The following SLC12A9 variants were observed in gnomAD, a reference collection of about 807,000 sequenced individuals.
The protein encoded by SLC12A9 is solute carrier family 12 member 9.
In SLC12A9, 55 loss-of-function variants were observed where a neutral mutation model predicts 66.0. The observed-to-expected ratio is 0.83, with a 90% CI of 0.67 to 1.04. The LOEUF is 1.04. SLC12A9 is among the 50% of genes least tolerant of loss of function. The probability of loss-of-function intolerance (pLI) is 0.00; values close to 1 mark genes in which losing one functional copy is unlikely to be tolerated. For missense variants in SLC12A9, 1,061 were observed against 1,241.9 expected (o/e 0.85, Z 2.19); for synonymous variants, 577 against 569.0 (o/e 1.01, Z -0.20).
chr7:100,841,886 C>T (rs1813798846), intron 1 of SLC12A9, among the ~76,000 whole-genome samples: 1 of 152,154 alleles, frequency 6.6e-6, no homozygotes, highest in Non-Finnish European at 1.5e-5. Context: ...AAGGTCCCCA[C>T]ATTTAAAACA....
intron 7 of SLC12A9, 116 bp downstream of exon 7, chr7:100,859,277 G>A (rs900587061): frequency 1.0e-6 from 1 of 963,496 alleles, no homozygotes; most frequent in Non-Finnish European, 1.6e-6. Flanking sequence ...GGGGTGGAGG[G>A]TGGCTACCGG....
Position 100,861,873 on chromosome 7 carries a change from G to GGCTGTAT in SLC12A9, c.1675_1681dup (p.Val561AlafsTer76). The GGCTGTAT allele has an allele frequency of 1.2e-6, 2 of 1,613,050 alleles. No individual in the cohort carries two copies. The highest frequency in any genetic ancestry group is 3.3e-5 in the Admixed American group (2 of 59,918). ...TTGGCCAACCAGCTTAAGAAGGGGG[G>GGCTGTAT]GCTGTATGTGCTGGGCCACGTCACC... On this transcript the variant is annotated frameshift_variant, in exon 12 of 14. Transcript: ENST00000354161. LOFTEE classifies it high-confidence loss of function. This position sits in a 1 kb window ranked among gnomAD's most constrained non-coding sequence, Gnocchi z 5.3.
At chr7:100,852,267 G>C (rs1814115528), upstream of SLC12A9, among the ~76,000 whole-genome samples, 1 of 152,228 alleles carries the variant, frequency 6.6e-6, no homozygotes, top group Non-Finnish European at 1.5e-5. Context: ...CCCCGCAGCG[G>C]GTGAGGGGCG....
intron 1 of SLC12A9, among the ~76,000 whole-genome samples, chr7:100,842,727 C>T (rs1584681895): frequency 6.6e-6 from 1 of 152,240 alleles, no homozygotes; most frequent in Non-Finnish European, 1.5e-5. Flanking sequence ...ATTCCATCTG[C>T]ACATTAAACA....
At chr7:100,845,474 C>T (rs567532083) in intron 1 of SLC12A9, among the ~76,000 whole-genome samples, 303 of 152,126 alleles carry the variant, frequency 2.0e-3, no homozygotes, top group Middle Eastern at 6.8e-3. Flanking sequence ...CTCAGCCTCC[C>T]GAGTAGCTGG....
chr7:100,856,639 C>A, intron 4 of SLC12A9: 8 of 506,634 alleles, frequency 1.6e-5, no homozygotes, highest in Non-Finnish European at 1.4e-5. Flanking sequence ...CTCAGCCTCC[C>A]AGTAGCTGGA....
chr7:100,865,901 C>T lies in SLC12A9; in HGVS notation c.2041C>T (p.Gln681Ter). 1 of 1,613,660 alleles carries T rather than the reference C, an allele frequency of 6.2e-7. No homozygotes were observed. Among genetic ancestry groups the T allele is most frequent in the Non-Finnish European group, 8.5e-7 (1 of 1,180,012 alleles). The change falls in exon 14 of 14, where the codon CAG becomes TAG. Residue 681 changes from glutamine to a stop codon, truncating the protein, a stop_gained. Transcript: ENST00000354161. LOFTEE classifies it high-confidence loss of function. ...TGGGAGCCCCCGGGCCCTCAATCCCCAGGACTATGTGGCCACGGTGGCCGA... is the reference window on the plus strand; with the variant it reads ...TGGGAGCCCCCGGGCCCTCAATCCCTAGGACTATGTGGCCACGGTGGCCGA... Reference protein sequence around the residue: ...APGSPRALNPQDYVATVADAL... With the variant: ...APGSPRALNP
At position 100,858,728 on chromosome 7, in the gene SLC12A9, G is replaced by A. The variant is rs1159607603; in HGVS notation, c.758-107G>A. 6 of 1,030,918 alleles carry A rather than the reference G, an allele frequency of 5.8e-6. No individual in the cohort carries two copies. In the Admixed American group the frequency reaches 9.9e-5, roughly 17 times the overall value. 63.9% of individuals were successfully genotyped at this position (1,030,918 alleles called of 1,614,324 possible). A position where few individuals can be genotyped will look rare whatever the true frequency, so the allele number is the denominator to read the frequency against. On this transcript the variant is annotated intron_variant, in intron 5 of 13. Transcript: ENST00000354161. The stretch of plus-strand genomic sequence containing the variant: ...AGGCTGGGGTCTTAGTGAGGGCAGT[G>A]CAGGGGAGGCAAGAGGACCGTGGGA...
rs142240553 is a variant in SLC12A9 at position 100,866,587 on chromosome 7, C to T, written c.2727C>T (p.Val909=). ...PTLLVHGVTP[V]TCTDL ...TGCTGGTTCATGGGGTCACTCCAGTCACCTGCACTGATCTGTGATGCCCCT... is the reference window on the plus strand; with the variant it reads ...TGCTGGTTCATGGGGTCACTCCAGTTACCTGCACTGATCTGTGATGCCCCT... Residue 909 remains valine, a synonymous_variant, in exon 14 of 14, where the codon GTC becomes GTT. Transcript: ENST00000354161. The surrounding 1 kb of genome is among the most constrained non-coding windows in gnomAD (Gnocchi z 7.3). The T allele has an allele frequency of 6.4e-5, 101 of 1,583,180 alleles. No individual in the cohort carries two copies. The highest frequency in any genetic ancestry group is 8.3e-5 in the Non-Finnish European group (97 of 1,165,740).
chr7:100,856,011 T>C, intron 4 of SLC12A9, 174 bp downstream of exon 4: 1 of 985,382 alleles, frequency 1.0e-6, no homozygotes, highest in Non-Finnish European at 1.4e-6. Context: ...TCCCTGAGAT[T>C]GTCCTTGCCT....
chr7:100,859,484 G>C (rs1814606107), intron 7 of SLC12A9: 3 of 374,986 alleles, frequency 8.0e-6, no homozygotes, highest in Admixed American at 8.8e-5. Context: ...GGGAGGCTGA[G>C]GCAGGAGGAT....
At chr7:100,856,624 C>G in intron 4 of SLC12A9, 1 of 484,800 alleles carries the variant, frequency 2.1e-6, no homozygotes, top group Non-Finnish European at 3.7e-6. Context: ...ATGCGATTCT[C>G]CCACCTCAGC....
intron 1 of SLC12A9, among the ~76,000 whole-genome samples, chr7:100,840,446 A>G (rs998901717): frequency 8.5e-5 from 13 of 152,198 alleles, no homozygotes; most frequent in South Asian, 2.1e-4. Flanking sequence ...CCTGTAAGCC[A>G]GGGAACCCAG....
chr7:100,861,143 G>T lies in SLC12A9; in HGVS notation c.1224G>T (p.Val408=), dbSNP rs200846520. The change falls in exon 10 of 14, where the codon GTG becomes GTT. Residue 408 remains valine (V), a synonymous_variant. Transcript: ENST00000354161. The surrounding 1 kb of genome is among the most constrained non-coding windows in gnomAD (Gnocchi z 5.3). ...GCCTCTTGGCCCTTGCCCAGCTGGTGCTCCTGGCTGGGAAGCTGAACACAC... is the reference window on the plus strand; with the variant it reads ...GCCTCTTGGCCCTTGCCCAGCTGGTTCTCCTGGCTGGGAAGCTGAACACAC... ...VLYSWGLVQL[V]LLAGKLNTLA... is the part of the protein sequence containing the mutation. The T allele has an allele frequency of 6.2e-7, 1 of 1,614,106 alleles. No homozygotes were observed. Among genetic ancestry groups the T allele is most frequent in the Non-Finnish European group, 8.5e-7 (1 of 1,180,038 alleles).
chr7:100,845,372 C>T (rs1007764339), intron 1 of SLC12A9, among the ~76,000 whole-genome samples: 2 of 151,528 alleles, frequency 1.3e-5, no homozygotes, highest in African/African-American at 2.4e-5. Flanking sequence ...TTTTTTGAGA[C>T]GGAGTCTTGC....
In SLC12A9 at chr7:100,866,314, G is replaced by T; in HGVS notation, c.2454G>T (p.Gly818=). The T allele has an allele frequency of 6.6e-7, 1 of 1,512,478 alleles. No individual in the cohort carries two copies. The highest frequency in any genetic ancestry group is 8.9e-7 in the Non-Finnish European group (1 of 1,127,824). 93.7% of individuals were successfully genotyped at this position (1,512,478 alleles called of 1,614,324 possible). ...GAGEPEAEEE[G]DFVNSGRGDA... is the part of the protein sequence containing the mutation. Reference sequence around the variant, plus strand: ...GGGAACCCGAGGCGGAGGAGGAAGGGGACTTTGTGAACAGTGGGCGGGGAG... The same window carrying T: ...GGGAACCCGAGGCGGAGGAGGAAGGTGACTTTGTGAACAGTGGGCGGGGAG... The change falls in exon 14 of 14, where the codon GGG becomes GGT. Residue 818 remains glycine (G), a synonymous_variant. Coordinates refer to ENST00000354161, the MANE Select transcript of SLC12A9 (RefSeq NM_020246.4). This position sits in a 1 kb window ranked among gnomAD's most constrained non-coding sequence, Gnocchi z 7.3.
chr7:100,866,464 C>T lies in SLC12A9; in HGVS notation c.2604C>T (p.Leu868=). The T allele has an allele frequency of 6.4e-7, 1 of 1,551,224 alleles. No homozygotes were observed. The highest frequency in any genetic ancestry group is 8.7e-7 in the Non-Finnish European group (1 of 1,147,898). ...GGDAEGPITA[L]TFLYLPRPPA... ...ATGCTGAGGGCCCCATCACAGCCCT[C>T]ACCTTCCTGTACTTGCCTCGGCCGC... Residue 868 remains leucine, a synonymous_variant, in exon 14 of 14, where the codon CTC becomes CTT. Transcript: ENST00000354161. This position sits in a 1 kb window ranked among gnomAD's most constrained non-coding sequence, Gnocchi z 7.3.
Position 100,861,389 on chromosome 7 carries a change from C to A in SLC12A9, c.1344-3C>A, listed in dbSNP as rs188252088. The A allele has an allele frequency of 1.2e-4, 191 of 1,613,138 alleles. 2 individuals are homozygous for A. The African/African-American group carries it at 1.4e-3, about 12-fold the overall frequency. ...CTGTCCCTCCTCCCCTCCATGCCCG[C>A]AGCCCCACCTTCAGCCTGTTCTCCT... On this transcript the variant is annotated splice_region_variant and splice_polypyrimidine_tract_variant and intron_variant, in intron 10 of 13. Transcript: ENST00000354161. This position sits in a 1 kb window ranked among gnomAD's most constrained non-coding sequence, Gnocchi z 5.3.
intron 1 of SLC12A9, among the ~76,000 whole-genome samples, chr7:100,839,643 T>C (rs1288129364): frequency 2.6e-5 from 4 of 152,220 alleles, no homozygotes; most frequent in Non-Finnish European, 5.9e-5. Flanking sequence ...GCCAGAGCAG[T>C]GTGTGGCAGG....
Sources: gnomAD v4.1 joint callset for allele counts (sites outside exome capture counted in the v4.1 genomes callset) on GRCh38, gnomAD v4.1.1 for gene constraint, Gnocchi (gnomAD v3.1) non-coding constraint, MANE v1.5 for transcripts, NCBI Gene and HGNC (gene_info 2026-07-23, HGNC 2026-07-21) for gene names.